RIF1: variants seen among roughly 807,000 people sequenced by gnomAD.
The protein encoded by RIF1 is replication timing regulatory factor 1.
In RIF1, 45 loss-of-function variants were observed where a neutral mutation model predicts 247.1. The observed-to-expected ratio is 0.18, with a 90% CI of 0.14 to 0.23. The LOEUF is 0.23. Ranked by LOEUF, RIF1 falls within the 10% of genes least tolerant of loss-of-function variation. The pLI is 1.00. For synonymous variants in RIF1, 1,087 were observed against 978.8 expected (o/e 1.11, Z -2.06); for missense variants, 2,967 against 2,862.5 (o/e 1.04, Z -0.83).
chr2:151,497,349 G>C, intron 10 of RIF1: 25 of 982,392 alleles, frequency 2.5e-5, no homozygotes, highest in Non-Finnish European at 3.0e-5. Flanking sequence ...GAGACAGTTA[G>C]AACTCAGTGG....
the RIF1 span, chr2:151,514,920 A>G: frequency 1.9e-6 from 3 of 1,559,632 alleles, no homozygotes; most frequent in East Asian, 4.7e-5. Context: ...AATCTTTCCT[A>G]TATTCTTTCT....
Position 151,468,263 on chromosome 2 carries a change from T to C in RIF1, c.6747+117T>C, listed in dbSNP as rs935689754. 6.7e-6 allele frequency: 7 copies of C among 1,049,464 alleles called. No individual in the cohort carries two copies. The African/African-American group carries it at 1.1e-4, about 17-fold the overall frequency. 65.0% of individuals were successfully genotyped at this position (1,049,464 alleles called of 1,614,324 possible). ...AACTTCTTCCTTGGTTTAAAATATA[T>C]TCTTTTGTCTGGTACACGGTAAGCA... On this transcript the variant is annotated intron_variant, in intron 31 of 35. Transcript: ENST00000444746.
At position 151,462,564 on chromosome 2, in the gene RIF1, A is replaced by C; in HGVS notation, c.3363+98A>C. 3.9e-6 allele frequency: 3 copies of C among 766,226 alleles called. No homozygotes were observed. The Admixed American group carries it at 8.0e-5, about 20-fold the overall frequency. 47.5% of individuals were successfully genotyped at this position (766,226 alleles called of 1,614,324 possible). On this transcript the variant is annotated intron_variant, in intron 29 of 35. Transcript: ENST00000444746. ...ATGTCTGTAGGTCTTCCCTTTATTA[A>C]TTTTAAAATTTATTGTAGATTTATT...
chr2:151,441,906 T>G lies in RIF1; in HGVS notation c.1649T>G (p.Val550Gly). 6.7e-7 allele frequency: 1 copy of G among 1,491,656 alleles called. No individual in the cohort carries two copies. Among genetic ancestry groups the G allele is most frequent in the Non-Finnish European group, 9.2e-7 (1 of 1,083,784 alleles). 92.4% of individuals were successfully genotyped at this position (1,491,656 alleles called of 1,614,324 possible). A position where few individuals can be genotyped will look rare whatever the true frequency, so the allele number is the denominator to read the frequency against. ...SEVFPVSKTL[V>G]LMEITIKGLP... ...TGTAAAACCTTTTATCTCTCATAGG[T>G]CCTCATGGAAATTACAATTAAAGGA... The change falls in exon 16 of 36, where the codon GTC (valine) becomes GGC (glycine). Residue 550 changes from valine to glycine, a missense_variant and splice_region_variant. This residue lies in a region of RIF1 where 369 missense variants were observed against 322.0 expected (regional missense o/e 1.15). Coordinates refer to ENST00000444746, the MANE Select transcript of RIF1 (RefSeq NM_018151.5).
the RIF1 span, among the ~76,000 whole-genome samples, chr2:151,528,626 G>T: frequency 1.2e-4 from 19 of 152,230 alleles, no homozygotes; most frequent in Non-Finnish European, 2.2e-4. Flanking sequence ...GCACTAGTGG[G>T]TACTAATTCG....
chr2:151,450,634 C>T (rs527784516), intron 20 of RIF1, among the ~76,000 whole-genome samples: 7 of 151,816 alleles, frequency 4.6e-5, no homozygotes, highest in South Asian at 4.2e-4. Context: ...CGCAGGCTGG[C>T]GTGCAATGGT....
At chr2:151,524,509 C>A in the RIF1 span, 3 of 1,613,852 alleles carry the variant, frequency 1.9e-6, no homozygotes, top group Non-Finnish European at 2.5e-6. Flanking sequence ...TTCATGACAC[C>A]CTTACCTCAC....
At chr2:151,492,368 T>C (rs777353367) in intron 9 of RIF1, 1 of 1,593,680 alleles carries the variant, frequency 6.3e-7, no homozygotes, top group Admixed American at 1.7e-5. Context: ...CAGCCAATCC[T>C]AAAGAATTCC....
intron 10 of RIF1, chr2:151,496,894 A>T: frequency 6.8e-7 from 1 of 1,479,832 alleles, no homozygotes; most frequent in Non-Finnish European, 9.2e-7. Context: ...ATCATGAAAT[A>T]GTTTTTAAAA....
intron 18 of RIF1, 86 bp from the exon 19 acceptor site, chr2:151,445,252 C>G: frequency 1.2e-6 from 1 of 805,078 alleles, no homozygotes; most frequent in South Asian, 1.4e-5. Context: ...CACAGTTTTG[C>G]CCACTACTTA....
At chr2:151,423,214 C>A (rs1179338559) in intron 8 of RIF1, 172 bp downstream of exon 8, 7 of 543,842 alleles carry the variant, frequency 1.3e-5, no homozygotes, top group South Asian at 2.4e-5. Flanking sequence ...ACTTGCATTG[C>A]TTTTGCTTTC....
chr2:151,448,393 C>T (rs1405638024), intron 20 of RIF1, among the ~76,000 whole-genome samples: 1 of 152,104 alleles, frequency 6.6e-6, no homozygotes, highest in Non-Finnish European at 1.5e-5. Flanking sequence ...AAGCAAATTC[C>T]CCCTCACACG....
At chr2:151,411,095 T>C (rs375637712) in intron 2 of RIF1, among the ~76,000 whole-genome samples, 165 bp from the exon 3 acceptor site, 1 of 152,236 alleles carries the variant, frequency 6.6e-6, no homozygotes, top group Admixed American at 6.5e-5. Flanking sequence ...ATTTCTGATA[T>C]ATATTGCATT....
the RIF1 span, among the ~76,000 whole-genome samples, chr2:151,515,126 A>G: frequency 6.6e-6 from 1 of 152,192 alleles, no homozygotes; most frequent in East Asian, 1.9e-4. Context: ...AAGGAAATTC[A>G]GGCTGAGACA....
At position 151,463,461 on chromosome 2, in the gene RIF1, C is replaced by T; in HGVS notation, c.3941C>T (p.Thr1314Ile). The T allele has an allele frequency of 6.2e-7, 1 of 1,613,958 alleles. No individual in the cohort carries two copies. Among genetic ancestry groups the T allele is most frequent in the Non-Finnish European group, 8.5e-7 (1 of 1,179,944 alleles). ...PLMRSEPEKN[T>I]EESVEGIVVL... ...ATGAGATCTGAGCCGGAGAAAAATA[C>T]TGAGGAATCTGTTGAAGGCATTGTA... The change falls in exon 30 of 36, where the codon ACT becomes ATT. Residue 1314 changes from threonine (T) to isoleucine (I), a missense_variant. Transcript: ENST00000444746.
intron 3 of RIF1, 94 bp from the exon 4 acceptor site, chr2:151,414,727 CAT>C: frequency 1.4e-6 from 1 of 740,510 alleles, no homozygotes; most frequent in East Asian, 2.7e-5. Flanking sequence ...GTTGGAGTAA[CAT>C]GATGAATATG....
intron 7 of RIF1, among the ~76,000 whole-genome samples, chr2:151,422,457 C>T (rs541775015): frequency 2.0e-5 from 3 of 151,636 alleles, no homozygotes; most frequent in African/African-American, 2.4e-5. Flanking sequence ...AAAACTCACT[C>T]GGATTTGCTA....
At chr2:151,515,110 G>A in the RIF1 span, among the ~76,000 whole-genome samples, 1 of 152,110 alleles carries the variant, frequency 6.6e-6, no homozygotes, top group East Asian at 1.9e-4. Flanking sequence ...TGGAGCAAAT[G>A]GCCACAAGGA....
Position 151,441,894 on chromosome 2 carries a change from ATC to A in RIF1, c.1648-6_1648-5del, listed in dbSNP as rs750151244. 7 of 1,271,690 alleles carry A rather than the reference ATC, an allele frequency of 5.5e-6. No homozygotes were observed. The highest frequency in any genetic ancestry group is 7.9e-6 in the Non-Finnish European group (7 of 889,502). The allele number at this position is 1,271,690 out of a possible 1,614,324, so 78.8% of individuals were successfully genotyped here. A position where few individuals can be genotyped will look rare whatever the true frequency, so the allele number is the denominator to read the frequency against. On this transcript the variant is annotated splice_polypyrimidine_tract_variant and intron_variant, in intron 15 of 35. Transcript: ENST00000444746. Reference sequence around the variant, plus strand: ...CGGCTAATTTACTGTAAAACCTTTTATCTCTCATAGGTCCTCATGGAAATTAC... The same window carrying A: ...CGGCTAATTTACTGTAAAACCTTTTATCTCATAGGTCCTCATGGAAATTAC...
Sources: allele counts gnomAD v4.1 joint callset (sites outside exome capture counted in the v4.1 genomes callset), GRCh38; gene constraint gnomAD v4.1.1; regional missense constraint gnomAD v4.1.1; transcripts MANE v1.5; gene names NCBI Gene and HGNC (gene_info 2026-07-23, HGNC 2026-07-21).